The following GLDN variants were observed in gnomAD, a reference collection of about 807,000 sequenced individuals.
GLDN encodes gliomedin.
A neutral mutation model predicts 56.5 loss-of-function variants in GLDN; 47 were observed. That is an observed-to-expected ratio of 0.83 (90% confidence interval 0.66 to 1.06). The LOEUF (loss-of-function observed/expected upper bound fraction) is 1.06, where lower values mean the gene tolerates loss of function less well. Among genes scored for constraint, GLDN ranks in the 50% least tolerant of loss-of-function variants. GLDN has a pLI of 0.00. For missense variants in GLDN, 782 were observed against 714.3 expected (o/e 1.09, Z -1.08); for synonymous variants, 332 against 278.8 (o/e 1.19, Z -1.90).
Position 51,359,599 on chromosome 15 carries a change from G to T in GLDN, c.363+17552G>T, listed in dbSNP as rs1315697973. Among the ~76,000 whole-genome samples, 10 of 152,278 alleles carry T rather than the reference G, an allele frequency of 6.6e-5. No homozygotes were observed. In the East Asian group the frequency reaches 1.9e-3, roughly 29 times the overall value. On this transcript the variant is annotated intron_variant, in intron 1 of 9. Coordinates refer to ENST00000335449, the MANE Select transcript of GLDN (RefSeq NM_181789.4). ...TAAGAAAGACCAGAAAAAAGCCAAT[G>T]AAGTACTCAGTGATGTCCGCCATAA...
intron 1 of GLDN, chr15:51,377,206 C>A: frequency 1.8e-6 from 1 of 544,066 alleles, no homozygotes. Flanking sequence ...CAAGACACTA[C>A]CCCGTGACTG....
At chr15:51,383,496 T>C (rs752738196) in intron 3 of GLDN, 43 bp downstream of exon 3, 5 of 1,610,198 alleles carry the variant, frequency 3.1e-6, no homozygotes, top group Non-Finnish European at 4.2e-6. Flanking sequence ...AGGCTGTGGG[T>C]GGCCAGACCC....
chr15:51,411,799 A>G (rs1742144797), downstream of GLDN, among the ~76,000 whole-genome samples: 2 of 152,208 alleles, frequency 1.3e-5, no homozygotes, highest in South Asian at 4.1e-4. Flanking sequence ...TAGTTTGCAG[A>G]CCATACAAAA....
intron 1 of GLDN, among the ~76,000 whole-genome samples, chr15:51,354,554 G>A (rs1256381962): frequency 2.0e-5 from 3 of 152,178 alleles, no homozygotes; most frequent in Admixed American, 1.3e-4. Context: ...TTGAGACTGG[G>A]GCAGGCAAGG....
At chr15:51,356,250 A>C (rs2037185361) in intron 1 of GLDN, among the ~76,000 whole-genome samples, 1 of 151,458 alleles carries the variant, frequency 6.6e-6, no homozygotes, top group Non-Finnish European at 1.5e-5. Flanking sequence ...AAGGCAGCCC[A>C]GCAGGTGTCT....
intron 2 of GLDN, 149 bp downstream of exon 2, chr15:51,377,649 T>G: frequency 1.8e-6 from 1 of 566,110 alleles, no homozygotes; most frequent in East Asian, 2.9e-5. Flanking sequence ...GAAAACCCAT[T>G]GTAATATGAT....
chr15:51,395,063 G>C, intron 5 of GLDN, 82 bp downstream of exon 5: 1 of 1,371,340 alleles, frequency 7.3e-7, no homozygotes, highest in Non-Finnish European at 9.7e-7. Context: ...GGCTGCTCCT[G>C]TGTCTTCTCT....
chr15:51,388,085 C>G (rs1281386037), intron 4 of GLDN, among the ~76,000 whole-genome samples: 1 of 152,160 alleles, frequency 6.6e-6, no homozygotes, highest in Non-Finnish European at 1.5e-5. Flanking sequence ...TGCCCTCTTC[C>G]TGACTTCCCC....
At chr15:51,412,833 G>A (rs2038481159), downstream of GLDN, among the ~76,000 whole-genome samples, 1 of 152,014 alleles carries the variant, frequency 6.6e-6, no homozygotes, top group Admixed American at 6.6e-5. Flanking sequence ...ATCGTCCATG[G>A]CTGCTTTTAT....
At chr15:51,367,068 T>C (rs926273475) in intron 1 of GLDN, among the ~76,000 whole-genome samples, 1 of 152,172 alleles carries the variant, frequency 6.6e-6, no homozygotes, top group African/African-American at 2.4e-5. Context: ...CATTTCCTAT[T>C]TCATCAGAGA....
In GLDN at chr15:51,404,485, G is replaced by A. The variant is rs371728997; in HGVS notation, c.1387G>A (p.Val463Ile). 1.9e-5 allele frequency: 31 copies of A among 1,613,998 alleles called. No homozygotes were observed. The African/African-American group carries it at 2.1e-4, about 11-fold the overall frequency. Reference sequence around the variant, plus strand: ...GAGGACATTCTCAGTGGTGCAACACGTCAATACCACGTACCCTAAATCCAA... The same window carrying A: ...GAGGACATTCTCAGTGGTGCAACACATCAATACCACGTACCCTAAATCCAA... ...DERTFSVVQH[V>I]NTTYPKSKAG... Residue 463 changes from valine (V) to isoleucine (I), a missense_variant, in exon 10 of 10, where the codon GTC (valine) becomes ATC (isoleucine). Coordinates refer to ENST00000335449, the MANE Select transcript of GLDN (RefSeq NM_181789.4).
rs74447195 is a variant in GLDN, at chr15:51,389,604, G to A, written c.542-5231G>A. Among the ~76,000 whole-genome samples, 112 of 152,350 alleles carry A rather than the reference G, an allele frequency of 7.4e-4. 1 individual carries two copies. In the East Asian group the frequency reaches 0.019, roughly 26 times the overall value. ...GCAGAACTAAGCATAAAGGACGAGA[G>A]AGAAGAGTGATCAGCACTTTGGAGA... On this transcript the variant is annotated intron_variant, in intron 4 of 9. Transcript: ENST00000335449.
intron 1 of GLDN, among the ~76,000 whole-genome samples, chr15:51,362,383 G>A (rs61342856): frequency 0.13 from 19,911 of 151,868 alleles, 2,624 homozygotes; most frequent in African/African-American, 0.34. Flanking sequence ...TACTTGGGAG[G>A]GTGAGGCAGG....
downstream of GLDN, among the ~76,000 whole-genome samples, chr15:51,409,652 C>A (rs993394874): frequency 6.6e-6 from 1 of 152,202 alleles, no homozygotes; most frequent in African/African-American, 2.4e-5. Context: ...TCCACAATTG[C>A]AGGATGAGAA....
chr15:51,395,174 A>G (rs1279408713), intron 5 of GLDN, among the ~76,000 whole-genome samples, 193 bp downstream of exon 5: 5 of 152,234 alleles, frequency 3.3e-5, no homozygotes, highest in African/African-American at 1.2e-4. Context: ...TGGCAAGACC[A>G]GATCTGGGAT....
chr15:51,397,938 G>A (rs2038170366), intron 6 of GLDN, among the ~76,000 whole-genome samples: 1 of 152,360 alleles, frequency 6.6e-6, no homozygotes, highest in African/African-American at 2.4e-5. Context: ...CTCTTGAGAA[G>A]TGAGAAGCTT....
At chr15:51,355,818 C>T (rs1229260568) in intron 1 of GLDN, among the ~76,000 whole-genome samples, 23 of 151,046 alleles carry the variant, frequency 1.5e-4, no homozygotes, top group Admixed American at 7.2e-4. Context: ...CCACCACACC[C>T]GGCCCTACTG....
At chr15:51,364,448 T>C (rs964659468) in intron 1 of GLDN, among the ~76,000 whole-genome samples, 5 of 152,180 alleles carry the variant, frequency 3.3e-5, no homozygotes, top group Admixed American at 3.3e-4. Context: ...GGCACAATCA[T>C]AGCTCACTGC....
chr15:51,362,601 T>C (rs1228857538), intron 1 of GLDN, among the ~76,000 whole-genome samples: 1 of 151,876 alleles, frequency 6.6e-6, no homozygotes, highest in Non-Finnish European at 1.5e-5. Context: ...TGTAAGGACA[T>C]TGGCTTTTAT....
Sources: allele counts gnomAD v4.1 joint callset (sites outside exome capture counted in the v4.1 genomes callset), GRCh38; gene constraint gnomAD v4.1.1; transcripts MANE v1.5; gene names NCBI Gene and HGNC (gene_info 2026-07-23, HGNC 2026-07-21).